The following AGBL4 variants were observed in gnomAD, a reference collection of about 807,000 sequenced individuals.
AGBL4 encodes the protein AGBL carboxypeptidase 4, also known as cytosolic carboxypeptidase 6.
AGBL4 carries 58 observed loss-of-function variants against 66.4 expected under a neutral mutation model. The ratio of observed to expected loss-of-function variants is 0.87; its 90% CI spans 0.71 to 1.09. The LOEUF (loss-of-function observed/expected upper bound fraction) is 1.09, where lower values mean the gene tolerates loss of function less well. Among genes scored for constraint, AGBL4 ranks in the 50% least tolerant of loss-of-function variants. The pLI is 0.00. For synonymous variants in AGBL4, 234 were observed against 222.9 expected (o/e 1.05, Z -0.44); for missense variants, 579 against 631.0 (o/e 0.92, Z 0.88).
chr1:49,809,788 G>A (rs533126520), intron 2 of AGBL4, among the ~76,000 whole-genome samples: 141 of 152,260 alleles, frequency 9.3e-4, no homozygotes, highest in Non-Finnish European at 1.7e-3. Context: ...ACAAAATGCT[G>A]TAAACAATCA....
At chr1:49,738,264 G>A (rs568790643) in intron 2 of AGBL4, among the ~76,000 whole-genome samples, 15 of 152,326 alleles carry the variant, frequency 9.8e-5, no homozygotes, top group South Asian at 2.1e-4. Context: ...ATTGTATCCC[G>A]TGCCTGGATC....
chr1:49,147,588 A>C (rs184915597), intron 4 of AGBL4, among the ~76,000 whole-genome samples: 2 of 152,264 alleles, frequency 1.3e-5, no homozygotes, highest in East Asian at 3.9e-4. Context: ...AGAGGAGAAA[A>C]GTTGCCACCT....
At chr1:49,550,884 C>A (rs903427907) in intron 3 of AGBL4, among the ~76,000 whole-genome samples, 33 of 152,106 alleles carry the variant, frequency 2.2e-4, no homozygotes, top group Non-Finnish European at 2.2e-4. Flanking sequence ...ATTATTCCCC[C>A]AAATATGTTT....
chr1:49,796,883 A>G (rs1244795410), intron 2 of AGBL4, among the ~76,000 whole-genome samples: 1 of 152,084 alleles, frequency 6.6e-6, no homozygotes, highest in East Asian at 1.9e-4. Flanking sequence ...AGTAAGTTCT[A>G]GAGATCTGCT....
chr1:49,288,718 G>A (rs2148421972), intron 3 of AGBL4, among the ~76,000 whole-genome samples: 1 of 152,228 alleles, frequency 6.6e-6, no homozygotes, highest in Admixed American at 6.5e-5. Flanking sequence ...GGAAAATTGT[G>A]GTAAATACCC....
At chr1:48,930,540 C>T (rs1038665121) in intron 5 of AGBL4, among the ~76,000 whole-genome samples, 1 of 152,142 alleles carries the variant, frequency 6.6e-6, no homozygotes, top group Non-Finnish European at 1.5e-5. Flanking sequence ...ATAATTCATG[C>T]TCACAGTTAC....
At chr1:49,646,662 T>C (rs1196497425) in intron 3 of AGBL4, among the ~76,000 whole-genome samples, 1 of 151,962 alleles carries the variant, frequency 6.6e-6, no homozygotes, top group Non-Finnish European at 1.5e-5. Context: ...AGGTTTTTTA[T>C]AGAAATATAT....
At chr1:49,217,968 G>T (rs543398373) in intron 4 of AGBL4, among the ~76,000 whole-genome samples, 5 of 152,208 alleles carry the variant, frequency 3.3e-5, no homozygotes, top group African/African-American at 9.6e-5. Flanking sequence ...GATGAACAGA[G>T]TTGATTGCCT....
At chr1:49,483,364 G>A (rs910740489) in intron 3 of AGBL4, among the ~76,000 whole-genome samples, 4 of 151,994 alleles carry the variant, frequency 2.6e-5, no homozygotes, top group Admixed American at 1.3e-4. Context: ...CCTGTTCATG[G>A]ATTGGAAGAA....
intron 3 of AGBL4, among the ~76,000 whole-genome samples, chr1:49,605,544 T>C (rs1645048552): frequency 6.6e-6 from 1 of 152,144 alleles, no homozygotes; most frequent in Non-Finnish European, 1.5e-5. Flanking sequence ...GTAAAACATG[T>C]ATTAGTTTGA....
intron 6 of AGBL4, among the ~76,000 whole-genome samples, chr1:48,792,426 G>A (rs1645572927): frequency 6.6e-6 from 1 of 152,182 alleles, no homozygotes; most frequent in Non-Finnish European, 1.5e-5. Context: ...TGGGAGATAT[G>A]CAAGGGAGCA....
intron 3 of AGBL4, among the ~76,000 whole-genome samples, chr1:49,563,458 C>T (rs1317283357): frequency 6.6e-6 from 1 of 152,040 alleles, no homozygotes; most frequent in East Asian, 1.9e-4. Context: ...TCACAGATAG[C>T]TCTTATTATT....
intron 6 of AGBL4, among the ~76,000 whole-genome samples, chr1:48,857,644 C>A (rs760373927): frequency 1.3e-5 from 2 of 151,994 alleles, no homozygotes; most frequent in Non-Finnish European, 2.9e-5. Context: ...TGGTGTGAAC[C>A]CGGAAGGTGG....
At chr1:50,006,174 C>T (rs950975347) in intron 1 of AGBL4, among the ~76,000 whole-genome samples, 1 of 152,108 alleles carries the variant, frequency 6.6e-6, no homozygotes, top group East Asian at 1.9e-4. Flanking sequence ...CCCATCTCTA[C>T]TAAAACTACA....
intron 1 of AGBL4, among the ~76,000 whole-genome samples, chr1:49,895,811 A>G (rs1313725482): frequency 1.3e-5 from 2 of 151,990 alleles, no homozygotes; most frequent in Non-Finnish European, 2.9e-5. Context: ...AAAAGAAAGG[A>G]AAAGAAGACC....
At chr1:49,045,537 G>A in intron 5 of AGBL4, 47 bp downstream of exon 5, 1 of 1,543,504 alleles carries the variant, frequency 6.5e-7, no homozygotes, top group African/African-American at 1.4e-5. Context: ...CCTATCCCAA[G>A]TTTGCCTGTT....
chr1:48,581,220 A>G (rs1644735505), intron 11 of AGBL4, among the ~76,000 whole-genome samples: 1 of 152,196 alleles, frequency 6.6e-6, no homozygotes, highest in African/African-American at 2.4e-5. Flanking sequence ...CGATAGCTTC[A>G]ATGTGTGATG....
chr1:48,890,819 C>T (rs955049848), intron 5 of AGBL4, among the ~76,000 whole-genome samples: 3 of 152,128 alleles, frequency 2.0e-5, no homozygotes, highest in Non-Finnish European at 4.4e-5. Flanking sequence ...CATCAAAGAT[C>T]GTTATGCCCA....
chr1:48,638,700 C>T (rs1252073740), intron 8 of AGBL4, among the ~76,000 whole-genome samples: 8 of 152,176 alleles, frequency 5.3e-5, no homozygotes, highest in East Asian at 3.9e-4. Flanking sequence ...TTGTTGAGTC[C>T]GCTTCTCCAC....
Sources: allele counts gnomAD v4.1 joint callset (sites outside exome capture counted in the v4.1 genomes callset), GRCh38; gene constraint gnomAD v4.1.1; transcripts MANE v1.5; gene names NCBI Gene and HGNC (gene_info 2026-07-23, HGNC 2026-07-21).